Variants in NBEA observed in about 807,000 individuals in gnomAD.
NBEA encodes neurobeachin.
Under a neutral mutation model 343.4 loss-of-function variants are expected in NBEA, and 44 were observed. That is an observed-to-expected ratio of 0.13 (90% confidence interval 0.10 to 0.16). The LOEUF is 0.16. NBEA is among the 10% of genes least tolerant of loss of function. NBEA has a pLI of 1.00. For synonymous variants in NBEA, 1,175 were observed against 1,238.7 expected, an observed-to-expected ratio of 0.95 and a Z score of 1.08; for missense variants, 2,555 against 3,631.3, an observed-to-expected ratio of 0.70 and a Z score of 7.62.
At chr13:35,003,225 A>C (rs994991082) in intron 1 of NBEA, among the ~76,000 whole-genome samples, 2 of 152,136 alleles carry the variant, frequency 1.3e-5, no homozygotes, top group African/African-American at 4.8e-5. Flanking sequence ...AAAAACCAAA[A>C]ATAAAAATTA....
intron 36 of NBEA, among the ~76,000 whole-genome samples, chr13:35,316,578 T>C (rs2037740706): frequency 1.3e-5 from 2 of 152,224 alleles, no homozygotes; most frequent in African/African-American, 2.4e-5. Flanking sequence ...TATGTGTGCA[T>C]GTGTGTTTAT....
intron 17 of NBEA, among the ~76,000 whole-genome samples, chr13:35,139,744 GTTTTTTTTTTTTTTTT>G (rs36117821): frequency 9.8e-5 from 6 of 61,132 alleles, no homozygotes; most frequent in Admixed American, 2.0e-4. Context: ...GATGGATGGC[GTTTTTTTTTTTTTTTT>G]TTTTTTTTTT....
At chr13:35,322,085 C>A (rs2038190921) in intron 36 of NBEA, among the ~76,000 whole-genome samples, 2 of 152,088 alleles carry the variant, frequency 1.3e-5, no homozygotes, top group African/African-American at 2.4e-5. Context: ...TGGCTTCAGC[C>A]CCCTTTGCAG....
chr13:35,068,509 T>C (rs903368992), intron 8 of NBEA, among the ~76,000 whole-genome samples: 2 of 152,154 alleles, frequency 1.3e-5, no homozygotes, highest in African/African-American at 4.8e-5. Flanking sequence ...TCACTGTTTT[T>C]TTGAATGCAG....
chr13:35,207,588 A>G (rs2073480669), intron 31 of NBEA, among the ~76,000 whole-genome samples: 1 of 152,138 alleles, frequency 6.6e-6, no homozygotes, highest in Admixed American at 6.6e-5. Flanking sequence ...TTCTTTATAC[A>G]TTTTTAAAAA....
Position 35,667,356 on chromosome 13 carries a change from G to A in NBEA, c.8465-18G>A. The A allele has an allele frequency of 2.5e-6, 4 of 1,609,564 alleles. No individual in the cohort carries two copies. The highest frequency in any genetic ancestry group is 1.1e-5 in the South Asian group (1 of 90,558). On this transcript the variant is annotated intron_variant, in intron 56 of 58. Coordinates refer to ENST00000379939, the MANE Select transcript of NBEA (RefSeq NM_001385012.1). ...GTCGTCCCCAACTGACCCTGGCATT[G>A]ATGTCCCCACTTTGCAGAGGGCCCT...
At chr13:35,042,012 C>T (rs1411961754) in intron 2 of NBEA, among the ~76,000 whole-genome samples, 1 of 151,826 alleles carries the variant, frequency 6.6e-6, no homozygotes, top group African/African-American at 2.4e-5. Flanking sequence ...ATACCTGATC[C>T]TGGAAAGTAG....
chr13:35,324,006 T>G (rs1446966222), intron 36 of NBEA, among the ~76,000 whole-genome samples: 1 of 152,192 alleles, frequency 6.6e-6, no homozygotes, highest in Non-Finnish European at 1.5e-5. Flanking sequence ...TTAGAAAACT[T>G]TTATTTAATT....
intron 1 of NBEA, among the ~76,000 whole-genome samples, chr13:35,008,108 A>T (rs1261699966): frequency 6.6e-6 from 1 of 152,082 alleles, no homozygotes; most frequent in African/African-American, 2.4e-5. Flanking sequence ...TTACAATCCA[A>T]CTAAGAATAG....
intron 7 of NBEA, among the ~76,000 whole-genome samples, chr13:35,057,502 G>A (rs2063315405): frequency 6.6e-6 from 1 of 152,136 alleles, no homozygotes; most frequent in Non-Finnish European, 1.5e-5. Flanking sequence ...GGTGTGGCAG[G>A]CAAAGTTTAA....
intron 36 of NBEA, among the ~76,000 whole-genome samples, chr13:35,317,251 T>G (rs2037804447): frequency 6.6e-6 from 1 of 151,968 alleles, no homozygotes; most frequent in African/African-American, 2.4e-5. Context: ...TACGTTTAAG[T>G]CTTTAATCCA....
At chr13:35,005,227 T>C (rs2061278738) in intron 1 of NBEA, among the ~76,000 whole-genome samples, 3 of 151,770 alleles carry the variant, frequency 2.0e-5, no homozygotes, top group Non-Finnish European at 4.4e-5. Flanking sequence ...TTTTTTTTTT[T>C]TTTTCTGACC....
intron 31 of NBEA, among the ~76,000 whole-genome samples, chr13:35,198,701 T>G (rs1382286316): frequency 6.6e-6 from 1 of 151,672 alleles, no homozygotes; most frequent in Non-Finnish European, 1.5e-5. Flanking sequence ...TCTAGTGTAG[T>G]TAATATATGC....
chr13:35,473,512 T>C (rs1210155472), intron 41 of NBEA, among the ~76,000 whole-genome samples: 1 of 152,192 alleles, frequency 6.6e-6, no homozygotes, highest in Non-Finnish European at 1.5e-5. Context: ...TCACCTGAAT[T>C]AACTAACTTA....
At chr13:35,454,738 T>C (rs1159952647) in intron 40 of NBEA, among the ~76,000 whole-genome samples, 1 of 152,010 alleles carries the variant, frequency 6.6e-6, no homozygotes, top group Non-Finnish European at 1.5e-5. Context: ...CGGGCACCTG[T>C]AGTCCCAGCT....
chr13:35,532,526 C>G (rs2078313815), intron 41 of NBEA, among the ~76,000 whole-genome samples: 1 of 152,046 alleles, frequency 6.6e-6, no homozygotes, highest in African/African-American at 2.4e-5. Flanking sequence ...GTACTAAATA[C>G]TTTGATTGTG....
At chr13:35,237,791 TC>T (rs2152775312) in intron 34 of NBEA, among the ~76,000 whole-genome samples, 1 of 152,346 alleles carries the variant, frequency 6.6e-6, no homozygotes, top group South Asian at 2.1e-4. Flanking sequence ...TGTTTTATAT[TC>T]CATTTTTCTT....
At chr13:35,575,895 CATG>C (rs1446524578) in intron 45 of NBEA, among the ~76,000 whole-genome samples, 1 of 152,132 alleles carries the variant, frequency 6.6e-6, no homozygotes, top group Non-Finnish European at 1.5e-5. Flanking sequence ...CCTTTTTTTT[CATG>C]ATATTGACTC....
In NBEA at chr13:35,061,376, A is replaced by G. The variant is rs552028629; in HGVS notation, c.1239+2513A>G. Among the ~76,000 whole-genome samples, 8 of 151,898 alleles carry G rather than the reference A, an allele frequency of 5.3e-5. No individual in the cohort carries two copies. In the South Asian group the frequency reaches 1.7e-3, roughly 31 times the overall value. On this transcript the variant is annotated intron_variant, in intron 8 of 58. Transcript: ENST00000379939. ...AAATCTCACTGTAGATTTGTCTAGT[A>G]TGGTAAAATTTACTATCAGATAAGT...
Sources: gnomAD v4.1 joint callset for allele counts (sites outside exome capture counted in the v4.1 genomes callset) on GRCh38, gnomAD v4.1.1 for gene constraint, MANE v1.5 for transcripts, NCBI Gene and HGNC (gene_info 2026-07-23, HGNC 2026-07-21) for gene names.